AKT3: variants seen among roughly 807,000 people sequenced by gnomAD.
AKT3 encodes AKT serine/threonine kinase 3, also known as RAC-gamma serine/threonine-protein kinase.
Under a neutral mutation model 65.3 loss-of-function variants are expected in AKT3, and 15 were observed. That is an observed-to-expected ratio of 0.23 (90% CI 0.15 to 0.35). The LOEUF is 0.35. AKT3 is among the 10% of genes least tolerant of loss of function. The pLI, the probability that AKT3 is intolerant of heterozygous loss-of-function variation, is 1.00. For synonymous variants in AKT3, 206 were observed against 183.8 expected (o/e 1.12, Z -0.98); for missense variants, 243 against 576.5 (o/e 0.42, Z 5.92).
intron 2 of AKT3, among the ~76,000 whole-genome samples, chr1:243,720,835 T>C (rs538742287): frequency 6.6e-6 from 1 of 152,280 alleles, no homozygotes; most frequent in South Asian, 2.1e-4. Context: ...CGGTATATAC[T>C]CTTGAGAAAA....
At chr1:243,492,448 C>T (rs1347769955) in intron 13 of AKT3, among the ~76,000 whole-genome samples, 4 of 151,258 alleles carry the variant, frequency 2.6e-5, no homozygotes, top group South Asian at 2.1e-4. Flanking sequence ...ATTACAGGCA[C>T]CCACCACCAC....
chr1:243,770,060 G>A (rs1690080303), intron 2 of AKT3, among the ~76,000 whole-genome samples: 1 of 152,118 alleles, frequency 6.6e-6, no homozygotes, highest in African/African-American at 2.4e-5. Context: ...ATTTCTTGAA[G>A]ACTATTCTTC....
At chr1:243,794,865 T>G (rs1438417993) in intron 2 of AKT3, among the ~76,000 whole-genome samples, 1 of 152,202 alleles carries the variant, frequency 6.6e-6, no homozygotes, top group Non-Finnish European at 1.5e-5. Context: ...TTCTGCTTTC[T>G]CAGCTCTGCT....
chr1:243,554,741 A>C (rs910046277), intron 10 of AKT3, among the ~76,000 whole-genome samples: 1 of 152,058 alleles, frequency 6.6e-6, no homozygotes, highest in African/African-American at 2.4e-5. Flanking sequence ...CCAACACAAC[A>C]GTGGCATATA....
chr1:243,583,164 G>GTATATATATATATATA (rs1383107055), intron 8 of AKT3, among the ~76,000 whole-genome samples: 7 of 74,940 alleles, frequency 9.3e-5, no homozygotes, highest in African/African-American at 2.6e-4. Flanking sequence ...CCATGTATAT[G>GTATATATATATATATA]TGTGTGTATA....
chr1:243,502,381 A>G lies in AKT3; in HGVS notation c.*2868T>C, dbSNP rs973264951. The G allele has an allele frequency of 4.3e-6, 1 of 233,136 alleles. No homozygotes were observed. The highest frequency in any genetic ancestry group is 2.2e-5 in the African/African-American group (1 of 45,484). The allele number at this position is 233,136 out of a possible 1,614,324, so 14.4% of individuals were successfully genotyped here. A position where few individuals can be genotyped will look rare whatever the true frequency, so the allele number is the denominator to read the frequency against. ...TTGAATAATGCTATGTAATTAGTGT[A>G]GAAAGCAAAGCTGAGCGCGACCCTG... is the stretch of plus-strand genomic sequence containing the variant. On this transcript the variant is annotated 3_prime_UTR_variant, in exon 14 of 14. Transcript: ENST00000673466.
chr1:243,647,430 C>T (rs1297756237), intron 4 of AKT3, among the ~76,000 whole-genome samples: 1 of 152,170 alleles, frequency 6.6e-6, no homozygotes, highest in East Asian at 1.9e-4. Flanking sequence ...GCTATACCAT[C>T]TAGGTTTGTC....
chr1:243,642,494 A>G (rs111366534), intron 5 of AKT3, among the ~76,000 whole-genome samples: 7,674 of 152,234 alleles, frequency 0.05, 270 homozygotes, highest in African/African-American at 0.091. Flanking sequence ...TATTTTTAGT[A>G]GAGACGGGGT....
intron 13 of AKT3, among the ~76,000 whole-genome samples, chr1:243,490,656 C>T (rs1000563391): frequency 3.3e-5 from 5 of 152,232 alleles, no homozygotes; most frequent in South Asian, 2.1e-4. Flanking sequence ...TGAGTGCAGG[C>T]GGGATGCCCC....
intron 2 of AKT3, among the ~76,000 whole-genome samples, chr1:243,706,697 T>C (rs895471226): frequency 2.0e-5 from 3 of 152,050 alleles, no homozygotes; most frequent in African/African-American, 7.2e-5. Context: ...GCATGTTAAG[T>C]GGTGAAAGGA....
chr1:243,729,562 A>C (rs1400466965), intron 2 of AKT3, among the ~76,000 whole-genome samples: 3 of 152,204 alleles, frequency 2.0e-5, no homozygotes, highest in African/African-American at 7.2e-5. Flanking sequence ...ATAAAAATCT[A>C]CCTTAAAAAA....
At chr1:243,582,466 A>G (rs1675443243) in intron 8 of AKT3, among the ~76,000 whole-genome samples, 1 of 151,424 alleles carries the variant, frequency 6.6e-6, no homozygotes, top group African/African-American at 2.4e-5. Flanking sequence ...AAAAAAAAAA[A>G]AAAAAGAAAT....
At chr1:243,712,902 G>A (rs957989927) in intron 2 of AKT3, among the ~76,000 whole-genome samples, 5 of 152,098 alleles carry the variant, frequency 3.3e-5, no homozygotes, top group African/African-American at 1.2e-4. Context: ...ACTCATTAAT[G>A]CTTGATAAAA....
At chr1:243,567,897 T>TAG (rs1674285991) in intron 9 of AKT3, among the ~76,000 whole-genome samples, 1 of 152,170 alleles carries the variant, frequency 6.6e-6, no homozygotes, top group Non-Finnish European at 1.5e-5. Context: ...GGACCATTAG[T>TAG]AGGGTGATTC....
intron 8 of AKT3, among the ~76,000 whole-genome samples, chr1:243,606,728 C>A (rs1328582754): frequency 6.6e-6 from 1 of 152,232 alleles, no homozygotes; most frequent in Non-Finnish European, 1.5e-5. Context: ...GTCTTCAGGG[C>A]ATTTCAGAGA....
At chr1:243,613,567 A>G in intron 8 of AKT3, 104 bp downstream of exon 8, 5 of 808,954 alleles carry the variant, frequency 6.2e-6, no homozygotes, top group Non-Finnish European at 9.3e-6. Flanking sequence ...ATAAATTCCT[A>G]TCAAGAAATG....
At chr1:243,599,197 T>C (rs1166780029) in intron 8 of AKT3, among the ~76,000 whole-genome samples, 1 of 152,176 alleles carries the variant, frequency 6.6e-6, no homozygotes, top group Non-Finnish European at 1.5e-5. Context: ...AAGTTACGGC[T>C]ATCAGACCTG....
intron 4 of AKT3, 150 bp from the exon 5 acceptor site, chr1:243,646,187 C>G: frequency 1.8e-6 from 1 of 549,016 alleles, no homozygotes; most frequent in East Asian, 3.3e-5. Flanking sequence ...ACCATCACCC[C>G]AAAGTGAAAA....
chr1:243,760,304 T>G (rs1457669041), intron 2 of AKT3, among the ~76,000 whole-genome samples: 3 of 146,884 alleles, frequency 2.0e-5, no homozygotes, highest in Admixed American at 6.8e-5. Flanking sequence ...TTTTTTTTTT[T>G]GTCATGGAGA....
Sources: gnomAD v4.1 joint callset for allele counts (sites outside exome capture counted in the v4.1 genomes callset) on GRCh38, gnomAD v4.1.1 for gene constraint, MANE v1.5 for transcripts, NCBI Gene and HGNC (gene_info 2026-07-23, HGNC 2026-07-21) for gene names.